Variants in NALCN observed in about 807,000 individuals in gnomAD.
The protein encoded by NALCN is sodium leak channel NALCN.
A neutral mutation model predicts 225.3 loss-of-function variants in NALCN; 111 were observed. That is an observed-to-expected ratio of 0.49 (90% CI 0.42 to 0.58). NALCN has a LOEUF of 0.58. Among genes scored for constraint, NALCN ranks in the 20% least tolerant of loss-of-function variants. The pLI, the probability that NALCN is intolerant of heterozygous loss-of-function variation, is 0.00. For missense variants in NALCN, 1,378 were observed against 2,202.4 expected (o/e 0.63, Z 7.49); for synonymous variants, 764 against 769.0 (o/e 0.99, Z 0.11).
intron 6 of NALCN, among the ~76,000 whole-genome samples, chr13:101,363,483 A>G (rs941468751): frequency 6.6e-6 from 1 of 152,120 alleles, no homozygotes; most frequent in African/African-American, 2.4e-5. Context: ...AACATTAAGG[A>G]AAGGACAGTC....
intron 15 of NALCN, among the ~76,000 whole-genome samples, chr13:101,173,815 G>A (rs1024770946): frequency 3.3e-5 from 5 of 152,132 alleles, no homozygotes; most frequent in Non-Finnish European, 5.9e-5. Flanking sequence ...TTTGTACATG[G>A]ACAATTGAAA....
Position 101,399,179 on chromosome 13 carries a change from A to G in NALCN, c.-39-14T>C. 6.2e-7 allele frequency: 1 copy of G among 1,604,216 alleles called. No individual in the cohort carries two copies. The highest frequency in any genetic ancestry group is 8.5e-7 in the Non-Finnish European group (1 of 1,173,596). On this transcript the variant is annotated splice_polypyrimidine_tract_variant and intron_variant, in intron 1 of 43. Coordinates refer to ENST00000251127, the MANE Select transcript of NALCN (RefSeq NM_052867.4). ...CAAAACCACAGTCTGGGAAAAGGAA[A>G]AGTTGTATTTGTCATCTAAACCATC...
intron 28 of NALCN, among the ~76,000 whole-genome samples, 174 bp downstream of exon 28, chr13:101,095,398 ATT>A (rs201027950): frequency 0.017 from 2,591 of 152,136 alleles, 43 homozygotes; most frequent in East Asian, 0.083. Context: ...TTGCTCTCTT[ATT>A]TTTTACCTTA....
At position 101,144,789 on chromosome 13, in the gene NALCN, A is replaced by G; in HGVS notation, c.1947T>C (p.Leu649=). Residue 649 remains leucine (L), a synonymous_variant, in exon 16 of 44, where the codon CTT becomes CTC. Coordinates refer to ENST00000251127, the MANE Select transcript of NALCN (RefSeq NM_052867.4). ...NRPQMVKISK[L]PSDFTVPKIR... is the part of the protein sequence containing the mutation. ...TTTTAGGAACTGTAAAATCTGAAGG[A>G]AGCTTTGAGATTTTCACCATTTGAG... 4 of 1,610,846 alleles carry G rather than the reference A, an allele frequency of 2.5e-6. No individual in the cohort carries two copies. The highest frequency in any genetic ancestry group is 3.4e-6 in the Non-Finnish European group (4 of 1,178,660).
At chr13:101,165,463 T>G (rs2139886890) in intron 15 of NALCN, among the ~76,000 whole-genome samples, 1 of 152,296 alleles carries the variant, frequency 6.6e-6, no homozygotes, top group Non-Finnish European at 1.5e-5. Flanking sequence ...GCCATCTTGA[T>G]CATTTTTGTC....
intron 30 of NALCN, among the ~76,000 whole-genome samples, chr13:101,088,782 C>T (rs954728389): frequency 2.6e-5 from 4 of 152,214 alleles, no homozygotes; most frequent in Non-Finnish European, 5.9e-5. Flanking sequence ...TAGGAAACTA[C>T]ATTGTTATTT....
chr13:101,061,911 T>TGCGGGGCAGG lies in NALCN; in HGVS notation c.4755+47_4755+56dup, dbSNP rs892919139. ...ACGAAGCTCTTTTCTTTCATCCTCCTGCGGGGCAGGGCGGGGCGGGGCGGG... is the reference window on the plus strand; with the variant it reads ...ACGAAGCTCTTTTCTTTCATCCTCCTGCGGGGCAGGGCGGGGCAGGGCGGGGCGGGGCGGG... On this transcript the variant is annotated intron_variant, in intron 41 of 43. Coordinates refer to ENST00000251127, the MANE Select transcript of NALCN (RefSeq NM_052867.4). 11 of 1,388,282 alleles carry TGCGGGGCAGG rather than the reference T, an allele frequency of 7.9e-6. No homozygotes were observed. The South Asian group carries it at 9.0e-5, about 11-fold the overall frequency. The allele number at this position is 1,388,282 out of a possible 1,614,324, so 86.0% of individuals were successfully genotyped here.
At chr13:101,232,588 G>A (rs1594490323) in intron 12 of NALCN, among the ~76,000 whole-genome samples, 1 of 151,906 alleles carries the variant, frequency 6.6e-6, no homozygotes. Context: ...TGGGACTACA[G>A]GCGCCCACCA....
chr13:101,144,658 A>C (rs2139795102), intron 16 of NALCN, 102 bp downstream of exon 16: 1 of 1,204,878 alleles, frequency 8.3e-7, no homozygotes, highest in Non-Finnish European at 1.1e-6. Flanking sequence ...AATAGAAAGA[A>C]ACCCAACCCA....
intron 9 of NALCN, among the ~76,000 whole-genome samples, chr13:101,285,475 T>C (rs553992836): frequency 8.7e-6 from 1 of 114,772 alleles, no homozygotes; most frequent in East Asian, 2.6e-4. Flanking sequence ...AATTTTTGTA[T>C]TTTTTTTTTT....
rs1392538892 is a variant in NALCN at position 101,215,441 on chromosome 13, T to C, written c.1626+13952A>G. Among the ~76,000 whole-genome samples, 17 of 152,172 alleles carry C rather than the reference T, an allele frequency of 1.1e-4. No individual in the cohort carries two copies. The East Asian group carries it at 3.3e-3, about 29-fold the overall frequency. ...CACTCATTTGTTACTTCACAGTTTT[T>C]GAAGGTCAGAATGTGGGCATGGTGT... On this transcript the variant is annotated intron_variant, in intron 13 of 43. Transcript: ENST00000251127.
chr13:101,405,997 T>C (rs1001359303), intron 1 of NALCN, among the ~76,000 whole-genome samples: 1 of 152,082 alleles, frequency 6.6e-6, no homozygotes, highest in Non-Finnish European at 1.5e-5. Context: ...GAGGGGTTAT[T>C]ATGTGCCAGT....
At chr13:101,311,657 T>C (rs1363223594) in intron 7 of NALCN, among the ~76,000 whole-genome samples, 1 of 152,186 alleles carries the variant, frequency 6.6e-6, no homozygotes, top group Admixed American at 6.5e-5. Flanking sequence ...TATGCTGGAT[T>C]ACATTTATTG....
intron 13 of NALCN, among the ~76,000 whole-genome samples, chr13:101,199,579 C>G (rs2040030892): frequency 7.2e-6 from 1 of 138,444 alleles, no homozygotes; most frequent in Non-Finnish European, 1.5e-5. Flanking sequence ...TGTTCTCACT[C>G]ATAGGTGGGA....
intron 15 of NALCN, among the ~76,000 whole-genome samples, chr13:101,156,954 T>C (rs2037932891): frequency 6.6e-6 from 1 of 152,176 alleles, no homozygotes; most frequent in African/African-American, 2.4e-5. Context: ...TTTAAATGTC[T>C]CCTATGTTGA....
chr13:101,055,874 A>AG (rs1216170118), intron 43 of NALCN, among the ~76,000 whole-genome samples: 5 of 152,212 alleles, frequency 3.3e-5, no homozygotes, highest in Admixed American at 1.3e-4. Context: ...AGTAAAGGCG[A>AG]GGGGGGATGC....
intron 14 of NALCN, among the ~76,000 whole-genome samples, chr13:101,184,542 A>G (rs1357731017): frequency 6.6e-6 from 1 of 152,078 alleles, no homozygotes; most frequent in Non-Finnish European, 1.5e-5. Context: ...TTTTCTATTT[A>G]ACTACAATAA....
intron 6 of NALCN, among the ~76,000 whole-genome samples, chr13:101,365,494 A>G (rs1034609741): frequency 4.6e-5 from 7 of 152,208 alleles, no homozygotes; most frequent in African/African-American, 1.7e-4. Flanking sequence ...CGTGACAAAT[A>G]AATTTTAATT....
chr13:101,125,256 G>C (rs1325151934), intron 17 of NALCN, among the ~76,000 whole-genome samples: 1 of 152,086 alleles, frequency 6.6e-6, no homozygotes, highest in Non-Finnish European at 1.5e-5. Flanking sequence ...TGGCTTGCTA[G>C]TTGCAGATTT....
Sources: allele counts gnomAD v4.1 joint callset (sites outside exome capture counted in the v4.1 genomes callset), GRCh38; gene constraint gnomAD v4.1.1; transcripts MANE v1.5; gene names NCBI Gene and HGNC (gene_info 2026-07-23, HGNC 2026-07-21).